Variants in CDV3 observed in about 807,000 individuals in gnomAD.
CDV3 encodes the protein protein CDV3 homolog.
A neutral mutation model predicts 24.5 loss-of-function variants in CDV3; 14 were observed. That is an observed-to-expected ratio of 0.57 (90% CI 0.38 to 0.89). The LOEUF is 0.89. Among genes scored for constraint, CDV3 ranks in the 40% least tolerant of loss-of-function variants. The pLI is 0.00. For synonymous variants in CDV3, 114 were observed against 114.1 expected (o/e 1.00, Z 0.00); for missense variants, 304 against 310.2 (o/e 0.98, Z 0.15).
intron 2 of CDV3, among the ~76,000 whole-genome samples, chr3:133,578,856 T>C (rs1256187258): frequency 6.6e-6 from 1 of 152,214 alleles, no homozygotes; most frequent in African/African-American, 2.4e-5. Flanking sequence ...CTCATGTCTC[T>C]TGAGGTAAAG....
chr3:133,576,706 C>T (rs2107696666), intron 2 of CDV3, among the ~76,000 whole-genome samples: 1 of 152,162 alleles, frequency 6.6e-6, no homozygotes, highest in African/African-American at 2.4e-5. Context: ...TTATTTTGAT[C>T]TTGATCTATT....
chr3:133,583,340 C>T (rs1022757503), intron 2 of CDV3, among the ~76,000 whole-genome samples: 1 of 152,192 alleles, frequency 6.6e-6, no homozygotes, highest in Admixed American at 6.5e-5. Context: ...TCTTCATTTG[C>T]TCACTAAAAA....
Position 133,575,096 on chromosome 3 carries a change from GT to G in CDV3, c.300del (p.Gln101ArgfsTer5). ...AGAGGTTGATTACAGCGGCCTCAGG[GT>G]TCAGGCAATGCAAATAAGGTATAGT... ...QKEVDYSGLR[V>X]QAMQISSEKE... On this transcript the variant is annotated frameshift_variant, in exon 2 of 5. Coordinates refer to ENST00000264993, the MANE Select transcript of CDV3 (RefSeq NM_017548.5). LOFTEE classifies it high-confidence loss of function. 1 of 1,587,244 alleles carries G rather than the reference GT, an allele frequency of 6.3e-7. No homozygotes were observed. Among genetic ancestry groups the G allele is most frequent in the Non-Finnish European group, 8.7e-7 (1 of 1,155,482 alleles).
chr3:133,577,343 T>C (rs992537026), intron 2 of CDV3, among the ~76,000 whole-genome samples: 9 of 149,828 alleles, frequency 6.0e-5, no homozygotes, highest in African/African-American at 2.3e-4. Context: ...GAGCTGCAGA[T>C]GTCACATTCA....
chr3:133,578,685 C>G (rs1417824910), intron 2 of CDV3, among the ~76,000 whole-genome samples: 1 of 152,216 alleles, frequency 6.6e-6, no homozygotes, highest in African/African-American at 2.4e-5. Context: ...CATAGCTGAT[C>G]AGGCCATGTG....
intron 2 of CDV3, among the ~76,000 whole-genome samples, chr3:133,581,081 T>C (rs1932967269): frequency 1.3e-5 from 2 of 152,138 alleles, no homozygotes; most frequent in South Asian, 4.1e-4. Context: ...TAGGAGTTTT[T>C]ATTTAAAAGC....
In CDV3 at chr3:133,589,682, TTG is replaced by T. The variant is rs1168259360; in HGVS notation, c.*1637_*1638del. 3 of 152,782 alleles carry T rather than the reference TTG, an allele frequency of 2.0e-5. No individual in the cohort carries two copies. The highest frequency in any genetic ancestry group is 2.9e-5 in the Non-Finnish European group (2 of 68,038). 9.5% of individuals were successfully genotyped at this position (152,782 alleles called of 1,614,324 possible). ...AGCGTTTTCAGATAGGAGTTTAGTC[TTG>T]ACGAAAGTGTCCGTGCAGGAATTGG... On this transcript the variant is annotated 3_prime_UTR_variant, in exon 5 of 5. Transcript: ENST00000264993.
intron 2 of CDV3, among the ~76,000 whole-genome samples, chr3:133,582,266 C>T (rs1024000431): frequency 4.6e-5 from 7 of 152,210 alleles, no homozygotes; most frequent in Non-Finnish European, 1.0e-4. Context: ...ACCTGATTCT[C>T]CTGCCTCAGC....
Position 133,573,851 on chromosome 3 carries a change from C to T in CDV3, c.-194C>T. The T allele has an allele frequency of 4.9e-6, 1 of 204,046 alleles. No homozygotes were observed. Among genetic ancestry groups the T allele is most frequent in the Non-Finnish European group, 8.6e-6 (1 of 115,682 alleles). The allele number at this position is 204,046 out of a possible 1,614,324, so 12.6% of individuals were successfully genotyped here. A position where few individuals can be genotyped will look rare whatever the true frequency, so the allele number is the denominator to read the frequency against. On this transcript the variant is annotated 5_prime_UTR_variant, in exon 1 of 5. Coordinates refer to ENST00000264993, the MANE Select transcript of CDV3 (RefSeq NM_017548.5). ...CAGCGGCGGCGCGCGAGCCCCCGGG[C>T]GGACCGTACCACCGCTCGCCAGCAC...
At chr3:133,576,578 A>C (rs1195882447) in intron 2 of CDV3, among the ~76,000 whole-genome samples, 4 of 152,140 alleles carry the variant, frequency 2.6e-5, no homozygotes, top group Non-Finnish European at 5.9e-5. Context: ...CTGAAGATAA[A>C]ATTTTGGTTT....
rs1223537943 is a variant in CDV3, at chr3:133,584,048, G to A, written c.364G>A (p.Asp122Asn). Reference sequence around the variant, plus strand: ...TAATGAAAAGAGACAAGATCCAGGTGATAACTGGGAAGAAGGTGGAGGTGG... The same window carrying A: ...TAATGAAAAGAGACAAGATCCAGGTAATAACTGGGAAGAAGGTGGAGGTGG... ...DDNEKRQDPG[D>N]NWEEGGGGGG... Residue 122 changes from aspartate (D) to asparagine (N), a missense_variant, in exon 3 of 5, where the codon GAT becomes AAT. Physicochemically the swap from Asp to Asn is conservative, Grantham distance 23. This residue lies in a region of CDV3 where 219 missense variants were observed against 203.6 expected (regional missense o/e 1.08). Coordinates refer to ENST00000264993, the MANE Select transcript of CDV3 (RefSeq NM_017548.5). The A allele has an allele frequency of 6.2e-7, 1 of 1,610,854 alleles. No individual in the cohort carries two copies. Among genetic ancestry groups the A allele is most frequent in the Non-Finnish European group, 8.5e-7 (1 of 1,177,272 alleles).
rs929607476 is a variant in CDV3, at chr3:133,574,151, G to A, written c.107G>A (p.Gly36Asp). 16 of 1,171,646 alleles carry A rather than the reference G, an allele frequency of 1.4e-5. No homozygotes were observed. The African/African-American group carries it at 2.3e-4, about 17-fold the overall frequency. The allele number at this position is 1,171,646 out of a possible 1,614,324, so 72.6% of individuals were successfully genotyped here. Residue 36 changes from glycine (G) to aspartate (D), a missense_variant, in exon 1 of 5, where the codon GGC becomes GAC. Gly to Asp is a moderately conservative substitution (Grantham distance 94). Transcript: ENST00000264993. ...NRAASAAGAA[G>D]SAGGSSGAAG... The stretch of plus-strand genomic sequence containing the variant: ...GCGGCGAGTGCCGCGGGCGCAGCGG[G>A]CAGCGCCGGCGGAAGCAGTGGAGCC...
intron 2 of CDV3, among the ~76,000 whole-genome samples, chr3:133,580,500 C>G (rs1447728769): frequency 6.6e-6 from 1 of 152,092 alleles, no homozygotes; most frequent in East Asian, 1.9e-4. Flanking sequence ...GTCAGGAGTT[C>G]GAGACCAGCC....
rs1933942078 is a variant in CDV3 at position 133,589,806 on chromosome 3, ATATAT to A, written c.*1762_*1766del. On this transcript the variant is annotated 3_prime_UTR_variant, in exon 5 of 5. Coordinates refer to ENST00000264993, the MANE Select transcript of CDV3 (RefSeq NM_017548.5). ...TGGCAGGCAGGATGCCTGCCTTCTA[ATATAT>A]TTGGGTGAGTAACTGAGCCAGCCAA... 1 of 152,352 alleles carries A rather than the reference ATATAT, an allele frequency of 6.6e-6. No homozygotes were observed. The highest frequency in any genetic ancestry group is 2.1e-4 in the South Asian group (1 of 4,828). 9.4% of individuals were successfully genotyped at this position (152,352 alleles called of 1,614,324 possible). A position where few individuals can be genotyped will look rare whatever the true frequency, so the allele number is the denominator to read the frequency against.
chr3:133,573,848 G>A lies in CDV3; in HGVS notation c.-197G>A. ...CGACAGCGGCGGCGCGCGAGCCCCCGGGCGGACCGTACCACCGCTCGCCAG... is the reference window on the plus strand; with the variant it reads ...CGACAGCGGCGGCGCGCGAGCCCCCAGGCGGACCGTACCACCGCTCGCCAG... On this transcript the variant is annotated 5_prime_UTR_variant, in exon 1 of 5. Transcript: ENST00000264993. The A allele has an allele frequency of 5.1e-6, 1 of 195,922 alleles. No homozygotes were observed. The highest frequency in any genetic ancestry group is 9.2e-6 in the Non-Finnish European group (1 of 108,230). The allele number at this position is 195,922 out of a possible 1,614,324, so 12.1% of individuals were successfully genotyped here. A position where few individuals can be genotyped will look rare whatever the true frequency, so the allele number is the denominator to read the frequency against.
chr3:133,588,589 C>T lies in CDV3; in HGVS notation c.*543C>T. The stretch of plus-strand genomic sequence containing the variant: ...CTTAATTAACCTGTCCTGTGCCCTA[C>T]CCTTAAGGAATACTCTCTGTAGTAG... On this transcript the variant is annotated 3_prime_UTR_variant, in exon 5 of 5. Transcript: ENST00000264993. 1.7e-6 allele frequency: 1 copy of T among 598,146 alleles called. No individual in the cohort carries two copies. Among genetic ancestry groups the T allele is most frequent in the South Asian group, 2.0e-5 (1 of 48,890 alleles). The allele number at this position is 598,146 out of a possible 1,614,324, so 37.1% of individuals were successfully genotyped here.
chr3:133,575,005 A>G lies in CDV3; in HGVS notation c.241-34A>G, dbSNP rs560653256. 3 of 1,323,058 alleles carry G rather than the reference A, an allele frequency of 2.3e-6. No individual in the cohort carries two copies. The African/African-American group carries it at 4.3e-5, about 19-fold the overall frequency. 82.0% of individuals were successfully genotyped at this position (1,323,058 alleles called of 1,614,324 possible). A position where few individuals can be genotyped will look rare whatever the true frequency, so the allele number is the denominator to read the frequency against. On this transcript the variant is annotated intron_variant, in intron 1 of 4. Transcript: ENST00000264993. ...TTTGCTTAGTTATATGTCTACAAAT[A>G]GCTTTAATTGATCAAATGGCGTTTG... is the stretch of plus-strand genomic sequence containing the variant.
chr3:133,576,680 A>G (rs1428594013), intron 2 of CDV3, among the ~76,000 whole-genome samples: 1 of 152,100 alleles, frequency 6.6e-6, no homozygotes, highest in Admixed American at 6.5e-5. Context: ...TATAAATTAC[A>G]TGTTCATCTT....
In CDV3 at chr3:133,588,986, G is replaced by A. The variant is rs2107750802; in HGVS notation, c.*940G>A. The A allele has an allele frequency of 6.5e-6, 1 of 152,758 alleles. No individual in the cohort carries two copies. Among genetic ancestry groups the A allele is most frequent in the South Asian group, 2.1e-4 (1 of 4,826 alleles). 9.5% of individuals were successfully genotyped at this position (152,758 alleles called of 1,614,324 possible). A position where few individuals can be genotyped will look rare whatever the true frequency, so the allele number is the denominator to read the frequency against. On this transcript the variant is annotated 3_prime_UTR_variant, in exon 5 of 5. Coordinates refer to ENST00000264993, the MANE Select transcript of CDV3 (RefSeq NM_017548.5). ...CGTGAGTATGCCAATCCTGAGGGTG[G>A]AACCAAATAGCCTTTGATGAAAAGG... is the stretch of plus-strand genomic sequence containing the variant.
Sources: allele counts gnomAD v4.1 joint callset (sites outside exome capture counted in the v4.1 genomes callset), GRCh38; gene constraint gnomAD v4.1.1; regional missense constraint gnomAD v4.1.1; transcripts MANE v1.5; gene names NCBI Gene and HGNC (gene_info 2026-07-23, HGNC 2026-07-21).